SCML4: variants seen among roughly 807,000 people sequenced by gnomAD.
The protein encoded by SCML4 is Scm polycomb group protein like 4.
A neutral mutation model predicts 41.1 loss-of-function variants in SCML4; 34 were observed. The ratio of observed to expected loss-of-function variants is 0.83; its 90% CI spans 0.63 to 1.10. The LOEUF is 1.10. Among genes scored for constraint, SCML4 ranks in the 50% least tolerant of loss-of-function variants. The pLI is 0.00. For missense variants in SCML4, 522 were observed against 534.1 expected, an observed-to-expected ratio of 0.98 and a Z score of 0.22; for synonymous variants, 214 against 220.9, an observed-to-expected ratio of 0.97 and a Z score of 0.28.
intron 1 of SCML4, among the ~76,000 whole-genome samples, chr6:107,801,733 G>A (rs1021190691): frequency 6.6e-6 from 1 of 152,046 alleles, no homozygotes; most frequent in African/African-American, 2.4e-5. Context: ...GCACATGGAG[G>A]GTGGAGACAG....
At chr6:107,807,162 C>T (rs1277227220) in intron 1 of SCML4, among the ~76,000 whole-genome samples, 2 of 150,826 alleles carry the variant, frequency 1.3e-5, no homozygotes, top group African/African-American at 4.9e-5. Flanking sequence ...TGTATTTAAG[C>T]CAGATGATGA....
Position 107,705,017 on chromosome 6 carries a change from G to C in SCML4, c.*183C>G. 2 of 674,366 alleles carry C rather than the reference G, an allele frequency of 3.0e-6. No individual in the cohort carries two copies. Among genetic ancestry groups the C allele is most frequent in the Non-Finnish European group, 5.1e-6 (2 of 390,960 alleles). The allele number at this position is 674,366 out of a possible 1,614,324, so 41.8% of individuals were successfully genotyped here. A position where few individuals can be genotyped will look rare whatever the true frequency, so the allele number is the denominator to read the frequency against. On this transcript the variant is annotated 3_prime_UTR_variant, in exon 8 of 8. Coordinates refer to ENST00000369020, the MANE Select transcript of SCML4 (RefSeq NM_198081.5). ...AATTATGAACACAGAGGAGCCTCTC[G>C]AAAAGGTCCATGTTAAATTCTTCAA... is the stretch of plus-strand genomic sequence containing the variant.
chr6:107,723,224 A>ATGAT (rs1775609822), intron 5 of SCML4, among the ~76,000 whole-genome samples: 1 of 152,228 alleles, frequency 6.6e-6, no homozygotes, highest in Admixed American at 6.5e-5. Flanking sequence ...AGTTAAAAAT[A>ATGAT]TCATAAGTTG....
At chr6:107,749,518 G>T (rs1778423751) in intron 3 of SCML4, among the ~76,000 whole-genome samples, 166 bp downstream of exon 3, 1 of 152,180 alleles carries the variant, frequency 6.6e-6, no homozygotes, top group African/African-American at 2.4e-5. Flanking sequence ...ATAAACTGGT[G>T]CTCTCAAAGA....
chr6:107,734,826 T>C (rs1776899018), intron 5 of SCML4, among the ~76,000 whole-genome samples: 1 of 152,200 alleles, frequency 6.6e-6, no homozygotes, highest in Non-Finnish European at 1.5e-5. Flanking sequence ...GCTTTTGTAT[T>C]TTCTACAAAA....
rs936697959 is a variant in SCML4, at chr6:107,704,910, C to T, written c.*290G>A. 4 of 446,962 alleles carry T rather than the reference C, an allele frequency of 8.9e-6. No homozygotes were observed. The highest frequency in any genetic ancestry group is 4.8e-5 in the East Asian group (1 of 20,814). The allele number at this position is 446,962 out of a possible 1,614,324, so 27.7% of individuals were successfully genotyped here. ...ATAAGCATTCAGTTCCCCACTCTCT[C>T]GTTATGCAAATAGGACCCACTTTAA... On this transcript the variant is annotated 3_prime_UTR_variant, in exon 8 of 8. Transcript: ENST00000369020.
intron 6 of SCML4, among the ~76,000 whole-genome samples, chr6:107,708,214 A>G (rs1773867673): frequency 6.6e-6 from 1 of 152,110 alleles, no homozygotes; most frequent in Non-Finnish European, 1.5e-5. Flanking sequence ...GGCCACTCCT[A>G]GATATATTAC....
intron 6 of SCML4, among the ~76,000 whole-genome samples, chr6:107,712,187 C>A (rs1227553309): frequency 6.6e-6 from 1 of 152,198 alleles, no homozygotes; most frequent in African/African-American, 2.4e-5. Context: ...CCTGCCCCAT[C>A]AGAACATTGG....
chr6:107,813,409 T>C (rs1336313510), intron 1 of SCML4, among the ~76,000 whole-genome samples: 1 of 31,056 alleles, frequency 3.2e-5, no homozygotes, highest in African/African-American at 1.0e-4. Flanking sequence ...TATATATATA[T>C]ATATATATAT....
chr6:107,726,915 A>G (rs540314102), intron 5 of SCML4, among the ~76,000 whole-genome samples: 1 of 152,260 alleles, frequency 6.6e-6, no homozygotes, highest in Admixed American at 6.5e-5. Context: ...TGTACTAAAA[A>G]GAAATGAAAA....
In SCML4 at chr6:107,705,197, A is replaced by C. The variant is rs1413452115; in HGVS notation, c.*3T>G. 8 of 1,551,408 alleles carry C rather than the reference A, an allele frequency of 5.2e-6. No homozygotes were observed. In the Admixed American group the frequency reaches 1.6e-4, roughly 30 times the overall value. On this transcript the variant is annotated 3_prime_UTR_variant, in exon 8 of 8. Transcript: ENST00000369020. ...GGGTTTCGCTTCTGTCTTTTTAAAA[A>C]AGTCAGAACTTGGCTTGCTTCAGTT... is the stretch of plus-strand genomic sequence containing the variant.
chr6:107,794,720 A>C (rs980914489), intron 1 of SCML4, among the ~76,000 whole-genome samples: 3 of 152,212 alleles, frequency 2.0e-5, no homozygotes, highest in African/African-American at 7.2e-5. Flanking sequence ...GTTTCCTAAC[A>C]CTATCATAAT....
At chr6:107,777,845 T>A (rs1425996748) in intron 1 of SCML4, among the ~76,000 whole-genome samples, 1 of 151,858 alleles carries the variant, frequency 6.6e-6, no homozygotes, top group African/African-American at 2.4e-5. Flanking sequence ...GATTCCCCCA[T>A]CTCCAAAGAC....
At chr6:107,763,843 G>A (rs1269130074) in intron 2 of SCML4, among the ~76,000 whole-genome samples, 2 of 152,144 alleles carry the variant, frequency 1.3e-5, no homozygotes, top group African/African-American at 2.4e-5. Flanking sequence ...CCTCCAGAAC[G>A]ATGACAAAAT....
At chr6:107,726,045 C>T (rs1230943721) in intron 5 of SCML4, among the ~76,000 whole-genome samples, 1 of 145,560 alleles carries the variant, frequency 6.9e-6, no homozygotes, top group Non-Finnish European at 1.5e-5. Flanking sequence ...CCACTGCACT[C>T]CAGCCTGAGC....
the SCML4 span, among the ~76,000 whole-genome samples, chr6:107,841,139 A>G: frequency 0.18 from 22,330 of 125,154 alleles, 1,918 homozygotes; most frequent in Non-Finnish European, 0.22. Flanking sequence ...GACCAACAGC[A>G]GTAACTTATA....
intron 5 of SCML4, among the ~76,000 whole-genome samples, chr6:107,731,053 G>T (rs1008409333): frequency 6.6e-5 from 10 of 152,184 alleles, no homozygotes; most frequent in African/African-American, 2.4e-4. Context: ...TACAGTCCTG[G>T]AGGGTCAGGT....
intron 2 of SCML4, among the ~76,000 whole-genome samples, chr6:107,750,559 A>C (rs547392958): frequency 6.6e-6 from 1 of 152,366 alleles, no homozygotes; most frequent in Non-Finnish European, 1.5e-5. Flanking sequence ...GAAGAAAGTC[A>C]GTCATGTCCC....
chr6:107,806,431 G>A (rs9486720), intron 1 of SCML4, among the ~76,000 whole-genome samples: 7 of 152,022 alleles, frequency 4.6e-5, no homozygotes, highest in Non-Finnish European at 7.4e-5. Context: ...ATTATGTGTC[G>A]GGCTCACTAA....
Sources: gnomAD v4.1 joint callset for allele counts (sites outside exome capture counted in the v4.1 genomes callset) on GRCh38, gnomAD v4.1.1 for gene constraint, MANE v1.5 for transcripts, NCBI Gene and HGNC (gene_info 2026-07-23, HGNC 2026-07-21) for gene names.